The following CSMD1 variants were observed in gnomAD, a reference collection of about 807,000 sequenced individuals.
CSMD1 encodes CUB and sushi domain-containing protein 1.
CSMD1 carries 213 observed loss-of-function variants against 417.5 expected under a neutral mutation model. The observed-to-expected ratio is 0.51, with a 90% CI of 0.46 to 0.57. CSMD1 has a LOEUF of 0.57. CSMD1 is among the 20% of genes least tolerant of loss of function. The probability of loss-of-function intolerance (pLI) is 0.00; values close to 1 mark genes in which losing one functional copy is unlikely to be tolerated. For missense variants in CSMD1, 6,923 were observed against 4,529.7 expected (o/e 1.53, Z -15.17); for synonymous variants, 2,862 against 1,736.8 (o/e 1.65, Z -16.11).
intron 7 of CSMD1, among the ~76,000 whole-genome samples, chr8:3,635,857 G>C (rs986222153): frequency 1.3e-5 from 2 of 148,972 alleles, no homozygotes; most frequent in African/African-American, 5.0e-5. Flanking sequence ...TGCACACTTA[G>C]GTTACTCTAC....
chr8:4,489,662 C>T (rs912917207), intron 2 of CSMD1, among the ~76,000 whole-genome samples: 11 of 152,172 alleles, frequency 7.2e-5, no homozygotes, highest in East Asian at 1.9e-4. Context: ...TGACGGCATG[C>T]GTGTGAGCAC....
intron 10 of CSMD1, among the ~76,000 whole-genome samples, chr8:3,550,226 C>G (rs952895862): frequency 1.3e-5 from 2 of 152,120 alleles, no homozygotes; most frequent in Non-Finnish European, 2.9e-5. Flanking sequence ...AATGTCTCTT[C>G]CTTTAGAATA....
At chr8:3,379,684 T>C (rs899045475) in intron 18 of CSMD1, among the ~76,000 whole-genome samples, 7 of 152,180 alleles carry the variant, frequency 4.6e-5, no homozygotes, top group African/African-American at 1.7e-4. Context: ...TTGGGAAAAC[T>C]GGCTAGCCAT....
At chr8:3,552,019 A>T (rs1798937470) in intron 10 of CSMD1, among the ~76,000 whole-genome samples, 1 of 152,228 alleles carries the variant, frequency 6.6e-6, no homozygotes, top group Non-Finnish European at 1.5e-5. Flanking sequence ...GAAGTTTCAT[A>T]GCAAATGTTT....
In CSMD1 at chr8:3,088,547, C is replaced by A. The variant is rs187515581; in HGVS notation, c.7286-1262G>T. ...GTGCCCAGAAGCAACATCTATGTGTCTGGCCTCAGTTGTCAACCATGTTCC... is the reference window on the plus strand; with the variant it reads ...GTGCCCAGAAGCAACATCTATGTGTATGGCCTCAGTTGTCAACCATGTTCC... On this transcript the variant is annotated intron_variant, in intron 48 of 69. Coordinates refer to ENST00000635120, the MANE Select transcript of CSMD1 (RefSeq NM_033225.6). Among the ~76,000 whole-genome samples the A allele has an allele frequency of 4.3e-3, 656 of 152,214 alleles. 9 individuals are homozygous for A. The highest frequency in any genetic ancestry group is 0.016 in the Admixed American group (243 of 15,284).
intron 2 of CSMD1, among the ~76,000 whole-genome samples, chr8:4,484,272 A>G (rs1801251239): frequency 6.6e-6 from 1 of 152,064 alleles, no homozygotes; most frequent in African/African-American, 2.4e-5. Flanking sequence ...TCTAGGAACA[A>G]GGTTTCATTT....
intron 3 of CSMD1, among the ~76,000 whole-genome samples, chr8:4,126,773 G>A (rs542908401): frequency 4.6e-5 from 7 of 152,276 alleles, no homozygotes; most frequent in African/African-American, 1.7e-4. Flanking sequence ...TTTTCTCATA[G>A]AAACAGGCAA....
At chr8:3,923,390 T>C (rs569850384) in intron 5 of CSMD1, among the ~76,000 whole-genome samples, 2 of 152,184 alleles carry the variant, frequency 1.3e-5, no homozygotes, top group African/African-American at 4.8e-5. Flanking sequence ...TTCCTTATTA[T>C]ATCATTTGCT....
intron 3 of CSMD1, among the ~76,000 whole-genome samples, chr8:4,188,194 G>C (rs1008534088): frequency 6.6e-6 from 1 of 152,086 alleles, no homozygotes; most frequent in South Asian, 2.1e-4. Flanking sequence ...GATTTTGGCA[G>C]GAAGGGACAA....
At chr8:4,090,143 A>C (rs964635303) in intron 3 of CSMD1, among the ~76,000 whole-genome samples, 1 of 152,182 alleles carries the variant, frequency 6.6e-6, no homozygotes, top group African/African-American at 2.4e-5. Context: ...AATAGAATAC[A>C]GTCTTAATTG....
rs11459550 is a variant in CSMD1, at chr8:4,902,434, GA to G, written c.85+91897del. Among the ~76,000 whole-genome samples, 647 of 139,926 alleles carry G rather than the reference GA, an allele frequency of 4.6e-3. 7 individuals are homozygous for G. The highest frequency in any genetic ancestry group is 0.016 in the African/African-American group (579 of 36,888). The allele number at this position is 139,926 out of a possible 152,430, so 91.8% of individuals were successfully genotyped here. Reference sequence around the variant, plus strand: ...AACAAGAACCCATCTCTAAAGAGGAGAAAAAAAAAAAAGAAAGGAAACTACT... The same window carrying G: ...AACAAGAACCCATCTCTAAAGAGGAGAAAAAAAAAAAGAAAGGAAACTACT... On this transcript the variant is annotated intron_variant, in intron 1 of 69. Transcript: ENST00000635120.
At chr8:3,880,038 G>A (rs891539156) in intron 5 of CSMD1, among the ~76,000 whole-genome samples, 1 of 148,970 alleles carries the variant, frequency 6.7e-6, no homozygotes, top group Non-Finnish European at 1.5e-5. Flanking sequence ...TAAAATCCTC[G>A]AAGATTATAA....
rs560905993 is a variant in CSMD1 at position 4,145,974 on chromosome 8, A to G, written c.416-113875T>C. 2.8e-4 allele frequency among the ~76,000 whole-genome samples: 43 copies of G among 151,032 alleles called. 2 individuals carry two copies. Among genetic ancestry groups the G allele is most frequent in the Admixed American group, 2.3e-3 (35 of 15,242 alleles). Reference sequence around the variant, plus strand: ...GTTTCTTGTTACCGCTGTCATTTGTAGACAGGGTGCAAATTTTGTACCCTG... The same window carrying G: ...GTTTCTTGTTACCGCTGTCATTTGTGGACAGGGTGCAAATTTTGTACCCTG... On this transcript the variant is annotated intron_variant, in intron 3 of 69. Transcript: ENST00000635120.
intron 2 of CSMD1, among the ~76,000 whole-genome samples, chr8:4,446,696 G>C (rs192743873): frequency 6.7e-6 from 1 of 150,126 alleles, no homozygotes; most frequent in African/African-American, 2.5e-5. Context: ...GCGATTACTC[G>C]TGCCCACCAC....
In CSMD1 at chr8:4,648,964, T is replaced by C. The variant is rs538924461; in HGVS notation, c.86-11406A>G. Among the ~76,000 whole-genome samples the C allele has an allele frequency of 2.3e-4, 35 of 152,334 alleles. No homozygotes were observed. In the South Asian group the frequency reaches 6.6e-3, roughly 29 times the overall value. ...GCACTTCCTTAGTACTGACACCTAGTATCCTAGGGCCCTGGAGTAGTGCCT... is the reference window on the plus strand; with the variant it reads ...GCACTTCCTTAGTACTGACACCTAGCATCCTAGGGCCCTGGAGTAGTGCCT... On this transcript the variant is annotated intron_variant, in intron 1 of 69. Coordinates refer to ENST00000635120, the MANE Select transcript of CSMD1 (RefSeq NM_033225.6).
Position 4,220,383 on chromosome 8 carries a change from G to A in CSMD1, c.416-188284C>T, listed in dbSNP as rs377329096. Among the ~76,000 whole-genome samples the A allele has an allele frequency of 7.9e-5, 12 of 152,328 alleles. No homozygotes were observed. The East Asian group carries it at 2.1e-3, about 27-fold the overall frequency. On this transcript the variant is annotated intron_variant, in intron 3 of 69. Transcript: ENST00000635120. ...GACCACACCATGAGGAGGACCCACA[G>A]AGGCCTCTAGACAACGGTTAGTGTT...
chr8:3,684,637 G>A (rs1409477489), intron 7 of CSMD1, among the ~76,000 whole-genome samples: 3 of 130,022 alleles, frequency 2.3e-5, no homozygotes, highest in African/African-American at 5.8e-5. Flanking sequence ...TCGCTCTCTC[G>A]CCCAGGCTGG....
intron 41 of CSMD1, among the ~76,000 whole-genome samples, chr8:3,132,783 T>C (rs1461149570): frequency 1.3e-5 from 2 of 152,150 alleles, no homozygotes; most frequent in East Asian, 1.9e-4. Flanking sequence ...ACTCCACTAC[T>C]CTGGAGAAGC....
chr8:3,887,302 C>G (rs904376821), intron 5 of CSMD1, among the ~76,000 whole-genome samples: 6 of 152,140 alleles, frequency 3.9e-5, no homozygotes, highest in Non-Finnish European at 8.8e-5. Context: ...ACATCCTCCC[C>G]CCATCGCCAG....
Sources: allele counts gnomAD v4.1 joint callset (sites outside exome capture counted in the v4.1 genomes callset), GRCh38; gene constraint gnomAD v4.1.1; transcripts MANE v1.5; gene names NCBI Gene and HGNC (gene_info 2026-07-23, HGNC 2026-07-21).